YEATS2: variants seen among roughly 807,000 people sequenced by gnomAD.
YEATS2 encodes YEATS domain-containing protein 2.
A neutral mutation model predicts 163.2 loss-of-function variants in YEATS2; 77 were observed. The ratio of observed to expected loss-of-function variants is 0.47; its 90% CI spans 0.39 to 0.57. The LOEUF is 0.57. Ranked by LOEUF, YEATS2 falls within the 20% of genes least tolerant of loss-of-function variation. The pLI is 0.00. For missense variants in YEATS2, 1,549 were observed against 1,729.8 expected, an observed-to-expected ratio of 0.90 and a Z score of 1.85; for synonymous variants, 631 against 645.1, an observed-to-expected ratio of 0.98 and a Z score of 0.33.
Position 183,704,635 on chromosome 3 carries a change from CT to C in YEATS2, c.-20+6654del, listed in dbSNP as rs1242259842. On this transcript the variant is annotated intron_variant, in intron 1 of 30. Coordinates refer to ENST00000305135, the MANE Select transcript of YEATS2 (RefSeq NM_018023.5). ...TACTGTATGATTTACATTTTATGAACTTTTTTTTTTTTGAGACAGAGTCTCA... is the reference window on the plus strand; with the variant it reads ...TACTGTATGATTTACATTTTATGAACTTTTTTTTTTTGAGACAGAGTCTCA... Among the ~76,000 whole-genome samples, 474 of 145,990 alleles carry C rather than the reference CT, an allele frequency of 3.2e-3. 3 individuals are homozygous for C. The highest frequency in any genetic ancestry group is 8.8e-3 in the African/African-American group (352 of 40,216).
At chr3:183,805,596 C>T (rs1186674642) in intron 27 of YEATS2, among the ~76,000 whole-genome samples, 1 of 151,956 alleles carries the variant, frequency 6.6e-6, no homozygotes, top group East Asian at 1.9e-4. Flanking sequence ...CAAGACCAGC[C>T]TGGACAACAC....
At chr3:183,745,056 G>A (rs1370626800) in intron 8 of YEATS2, among the ~76,000 whole-genome samples, 1 of 152,126 alleles carries the variant, frequency 6.6e-6, no homozygotes, top group African/African-American at 2.4e-5. Flanking sequence ...CACCATGTTG[G>A]TCAGGCTGGT....
intron 1 of YEATS2, among the ~76,000 whole-genome samples, chr3:183,699,233 ACTGAGTAGGT>A (rs2108944421): frequency 6.6e-6 from 1 of 152,158 alleles, no homozygotes; most frequent in Non-Finnish European, 1.5e-5. Flanking sequence ...GTTTTGAGCA[ACTGAGTAGGT>A]GGTGGTGCTG....
At chr3:183,767,358 C>T (rs1183532093) in intron 15 of YEATS2, among the ~76,000 whole-genome samples, 1 of 151,420 alleles carries the variant, frequency 6.6e-6, no homozygotes, top group African/African-American at 2.4e-5. Context: ...TAGCTGGGAT[C>T]GCAGGCCCAC....
chr3:183,716,082 C>G (rs932947652), intron 2 of YEATS2, among the ~76,000 whole-genome samples: 3 of 152,028 alleles, frequency 2.0e-5, no homozygotes, highest in African/African-American at 7.2e-5. Flanking sequence ...GCGTCAGCCT[C>G]CCGAGTAGCT....
intron 2 of YEATS2, among the ~76,000 whole-genome samples, chr3:183,715,576 A>G (rs1047706353): frequency 6.6e-6 from 1 of 152,368 alleles, no homozygotes; most frequent in Non-Finnish European, 1.5e-5. Flanking sequence ...TGAGATGGTC[A>G]TAGATGGTAC....
intron 18 of YEATS2, among the ~76,000 whole-genome samples, chr3:183,776,720 G>A (rs1003756039): frequency 6.6e-6 from 1 of 152,102 alleles, no homozygotes. Flanking sequence ...CTGGGAGGCC[G>A]AGGCAGGCAG....
At chr3:183,770,527 C>A (rs1487924118) in intron 15 of YEATS2, among the ~76,000 whole-genome samples, 2 of 152,230 alleles carry the variant, frequency 1.3e-5, no homozygotes, top group African/African-American at 4.8e-5. Flanking sequence ...GTAATCAATA[C>A]CCCCATATCC....
chr3:183,762,384 A>G (rs1047197397), intron 15 of YEATS2, 105 bp downstream of exon 15: 11 of 1,372,534 alleles, frequency 8.0e-6, no homozygotes, highest in African/African-American at 2.9e-5. Flanking sequence ...TGATGATCCC[A>G]TAAGAACCTG....
intron 7 of YEATS2, among the ~76,000 whole-genome samples, chr3:183,735,416 T>TA: frequency 6.6e-6 from 1 of 152,346 alleles, no homozygotes; most frequent in East Asian, 1.9e-4. Context: ...CTGCTTCTCT[T>TA]AGCTCCTTTG....
intron 19 of YEATS2, among the ~76,000 whole-genome samples, chr3:183,780,120 T>C (rs2108431139): frequency 6.6e-6 from 1 of 152,268 alleles, no homozygotes; most frequent in South Asian, 2.1e-4. Context: ...CTTCCACTTG[T>C]TGAGCTTTAG....
At chr3:183,715,785 A>G (rs1047257916) in intron 2 of YEATS2, among the ~76,000 whole-genome samples, 4 of 152,182 alleles carry the variant, frequency 2.6e-5, no homozygotes, top group African/African-American at 9.6e-5. Context: ...ATTAGGAAAC[A>G]TCGATCTAGT....
chr3:183,804,955 C>T (rs1726033627), intron 27 of YEATS2, among the ~76,000 whole-genome samples: 1 of 151,846 alleles, frequency 6.6e-6, no homozygotes, highest in Non-Finnish European at 1.5e-5. Context: ...CACCAGTGCA[C>T]TCCAGCCTGG....
chr3:183,767,968 C>G (rs1722077490), intron 15 of YEATS2, among the ~76,000 whole-genome samples: 1 of 152,168 alleles, frequency 6.6e-6, no homozygotes, highest in South Asian at 2.1e-4. Context: ...ATTGTTTTCC[C>G]TAAGTTATTT....
chr3:183,728,042 T>G (rs533338329), intron 6 of YEATS2, among the ~76,000 whole-genome samples: 2 of 152,312 alleles, frequency 1.3e-5, no homozygotes, highest in East Asian at 3.9e-4. Context: ...TTATTTATTT[T>G]ATTATTTTAT....
intron 16 of YEATS2, 67 bp from the exon 17 acceptor site, chr3:183,773,566 T>C (rs558152798): frequency 1.4e-6 from 2 of 1,451,138 alleles, no homozygotes; most frequent in South Asian, 1.4e-5. Context: ...TTGCCTTGTA[T>C]TTTAATTTTA....
At chr3:183,698,448 A>C (rs542345817) in intron 1 of YEATS2, among the ~76,000 whole-genome samples, 4 of 152,058 alleles carry the variant, frequency 2.6e-5, no homozygotes, top group Non-Finnish European at 1.5e-5. Flanking sequence ...TTGGGGGTCC[A>C]GGGATGGGGC....
intron 19 of YEATS2, among the ~76,000 whole-genome samples, chr3:183,782,235 G>A (rs1267440881): frequency 1.3e-4 from 20 of 151,686 alleles, no homozygotes; most frequent in African/African-American, 3.6e-4. Flanking sequence ...TCAGCCTCCC[G>A]AGTAGCTGGG....
At chr3:183,758,343 C>T (rs1211501321) in intron 12 of YEATS2, among the ~76,000 whole-genome samples, 3 of 148,658 alleles carry the variant, frequency 2.0e-5, no homozygotes, top group Admixed American at 6.9e-5. Context: ...GGTGACAGAG[C>T]GAGACTCCAT....
Sources: allele counts gnomAD v4.1 joint callset (sites outside exome capture counted in the v4.1 genomes callset), GRCh38; gene constraint gnomAD v4.1.1; transcripts MANE v1.5; gene names NCBI Gene and HGNC (gene_info 2026-07-23, HGNC 2026-07-21).